The following CUBN variants were observed in gnomAD, a reference collection of about 807,000 sequenced individuals.
The protein encoded by CUBN is cubilin, also known as 460 kDa receptor.
CUBN carries 282 observed loss-of-function variants against 405.3 expected under a neutral mutation model. The ratio of observed to expected loss-of-function variants is 0.70; its 90% CI spans 0.63 to 0.77. CUBN has a LOEUF of 0.77. CUBN is among the 30% of genes least tolerant of loss of function. CUBN has a pLI of 0.00. For synonymous variants in CUBN, 1,684 were observed against 1,617.0 expected (o/e 1.04, Z -0.99); for missense variants, 4,514 against 4,475.2 (o/e 1.01, Z -0.25).
At chr10:16,853,757 A>G (rs2131342571) in intron 59 of CUBN, among the ~76,000 whole-genome samples, 1 of 152,212 alleles carries the variant, frequency 6.6e-6, no homozygotes, top group South Asian at 2.1e-4. Flanking sequence ...GGGCCTGCAA[A>G]CTCAAGAGAG....
chr10:16,956,896 T>C (rs968215009), intron 31 of CUBN, among the ~76,000 whole-genome samples: 14 of 152,190 alleles, frequency 9.2e-5, no homozygotes, highest in Non-Finnish European at 1.3e-4. Context: ...TTTTAAGTGA[T>C]GCATAATAAT....
intron 40 of CUBN, among the ~76,000 whole-genome samples, chr10:16,931,679 G>A (rs151213036): frequency 9.9e-5 from 15 of 152,230 alleles, no homozygotes; most frequent in Non-Finnish European, 1.9e-4. Flanking sequence ...TTAATCCTCA[G>A]AAAAAGCCTG....
At chr10:16,844,363 C>T (rs1454048615) in intron 60 of CUBN, among the ~76,000 whole-genome samples, 1 of 151,984 alleles carries the variant, frequency 6.6e-6, no homozygotes, top group Non-Finnish European at 1.5e-5. Context: ...GTGTGAAATG[C>T]ATGGCACGTG....
In CUBN at chr10:16,900,790, C is replaced by T; in HGVS notation, c.8245G>A (p.Val2749Ile). The T allele has an allele frequency of 6.2e-7, 1 of 1,614,110 alleles. No homozygotes were observed. The highest frequency in any genetic ancestry group is 8.5e-7 in the Non-Finnish European group (1 of 1,180,014). The change falls in exon 53 of 67, where the codon GTC (valine) becomes ATC (isoleucine). Residue 2749 changes from valine (V) to isoleucine (I), a missense_variant. By Grantham distance (29) the Val-to-Ile change is conservative. Around this residue, in one of 5 missense-constraint regions of CUBN, gnomAD observed 1,186 missense variants for 1,186.9 expected, o/e 1.00. Transcript: ENST00000377833. ...GATTCAGGGGACCCACCATTCCTGA[C>T]AGTGACAGAGTCCCAAGCACAAGTT... ...HTTCAWDSVT[V>I]RNGGSPESPI...
intron 21 of CUBN, among the ~76,000 whole-genome samples, chr10:17,066,475 C>A (rs1328222745): frequency 1.3e-5 from 2 of 151,576 alleles, no homozygotes; most frequent in South Asian, 2.1e-4. Flanking sequence ...GAAATGGATA[C>A]GTCAATTGCT....
At chr10:17,058,048 G>A (rs1161801215) in intron 22 of CUBN, among the ~76,000 whole-genome samples, 1 of 152,050 alleles carries the variant, frequency 6.6e-6, no homozygotes, top group Non-Finnish European at 1.5e-5. Context: ...CTTGAACCTG[G>A]GAGGCGGAGG....
intron 58 of CUBN, among the ~76,000 whole-genome samples, chr10:16,873,083 G>C (rs541042643): frequency 6.6e-6 from 1 of 152,140 alleles, no homozygotes; most frequent in African/African-American, 2.4e-5. Context: ...GGTAGAAAAT[G>C]ATCACAGACA....
At chr10:17,075,221 C>A (rs1835832749) in intron 17 of CUBN, among the ~76,000 whole-genome samples, 2 of 151,452 alleles carry the variant, frequency 1.3e-5, no homozygotes, top group African/African-American at 4.9e-5. Context: ...ATAGCTGAGA[C>A]TGCAAGGGCA....
intron 22 of CUBN, among the ~76,000 whole-genome samples, chr10:17,049,569 T>G (rs185073338): frequency 1.3e-5 from 2 of 152,200 alleles, no homozygotes; most frequent in Admixed American, 1.3e-4. Context: ...CTGGAACAAC[T>G]GGTGGGAGTC....
At chr10:17,044,281 T>C (rs1345802910) in intron 25 of CUBN, among the ~76,000 whole-genome samples, 1 of 147,344 alleles carries the variant, frequency 6.8e-6, no homozygotes, top group Admixed American at 6.8e-5. Flanking sequence ...CATAAATATA[T>C]ATAAAATAAA....
chr10:17,120,826 C>A lies in CUBN; in HGVS notation c.593+1969G>T, dbSNP rs147192534. 6.0e-4 allele frequency among the ~76,000 whole-genome samples: 92 copies of A among 152,284 alleles called. No homozygotes were observed. In the East Asian group the frequency reaches 0.017, roughly 28 times the overall value. On this transcript the variant is annotated intron_variant, in intron 6 of 66. Coordinates refer to ENST00000377833, the MANE Select transcript of CUBN (RefSeq NM_001081.4). Reference sequence around the variant, plus strand: ...TTGCCCATACTTGTCGCTCTATTGGCCCACAAGACTCCAAAAGACAGTGAT... The same window carrying A: ...TTGCCCATACTTGTCGCTCTATTGGACCACAAGACTCCAAAAGACAGTGAT...
chr10:16,979,673 C>T (rs989958051), intron 31 of CUBN, among the ~76,000 whole-genome samples: 1 of 152,134 alleles, frequency 6.6e-6, no homozygotes, highest in Non-Finnish European at 1.5e-5. Context: ...CTTCCTTACA[C>T]CTTATACAAA....
intron 6 of CUBN, 178 bp downstream of exon 6, chr10:17,122,617 C>A (rs1253615354): frequency 1.5e-6 from 1 of 647,092 alleles, no homozygotes; most frequent in East Asian, 3.0e-5. Context: ...GACTCATGAG[C>A]TTTTCTTCAG....
At chr10:17,075,073 C>CTTTTTTTTTTT (rs957929670) in intron 17 of CUBN, among the ~76,000 whole-genome samples, 60 of 65,316 alleles carry the variant, frequency 9.2e-4, no homozygotes, top group African/African-American at 2.0e-3. Flanking sequence ...TCTTTGTTTT[C>CTTTTTTTTTTT]TTTTTTTTTT....
rs142967378 is a variant in CUBN, at chr10:16,977,895, G to A, written c.4695+4589C>T. Among the ~76,000 whole-genome samples the A allele has an allele frequency of 2.5e-3, 375 of 152,294 alleles. 1 individual carries two copies. Among genetic ancestry groups the A allele is most frequent in the African/African-American group, 8.4e-3 (351 of 41,554 alleles). On this transcript the variant is annotated intron_variant, in intron 31 of 66. Coordinates refer to ENST00000377833, the MANE Select transcript of CUBN (RefSeq NM_001081.4). ...ACACCCCTGTTGAATGTCCTGTAAC[G>A]GAGGTCAGGGAACTCTCTTATTTAA...
At chr10:16,879,500 A>T (rs1256271621) in intron 56 of CUBN, among the ~76,000 whole-genome samples, 1 of 152,240 alleles carries the variant, frequency 6.6e-6, no homozygotes, top group Non-Finnish European at 1.5e-5. Context: ...AGCACATGCT[A>T]TGGCACGGTG....
chr10:17,011,044 G>T (rs1369500418), intron 28 of CUBN, among the ~76,000 whole-genome samples: 1 of 152,146 alleles, frequency 6.6e-6, no homozygotes, highest in Admixed American at 6.5e-5. Flanking sequence ...GTCTATGCTT[G>T]GTTCCTGGTA....
At chr10:16,843,051 TC>T (rs1264186211) in intron 60 of CUBN, among the ~76,000 whole-genome samples, 1 of 152,214 alleles carries the variant, frequency 6.6e-6, no homozygotes, top group Non-Finnish European at 1.5e-5. Context: ...TCAAAACTGA[TC>T]TTATTTATTG....
At chr10:17,113,551 T>C (rs12256164) in intron 8 of CUBN, among the ~76,000 whole-genome samples, 1,616 of 152,298 alleles carry the variant, frequency 0.011, 26 homozygotes, top group African/African-American at 0.037. Context: ...ATGGCATCCC[T>C]GGAGATTCAG....
Sources: gnomAD v4.1 joint callset for allele counts (sites outside exome capture counted in the v4.1 genomes callset) on GRCh38, gnomAD v4.1.1 for gene constraint, gnomAD v4.1.1 regional missense constraint, MANE v1.5 for transcripts, NCBI Gene and HGNC (gene_info 2026-07-23, HGNC 2026-07-21) for gene names.